Variants in XPC observed in about 807,000 individuals in gnomAD.
The protein encoded by XPC is XPC complex subunit, DNA damage recognition and repair factor, also known as DNA repair protein complementing XP-C cells.
In XPC, 76 loss-of-function variants were observed where a neutral mutation model predicts 95.8. The observed-to-expected ratio is 0.79, with a 90% CI of 0.66 to 0.96. The LOEUF (loss-of-function observed/expected upper bound fraction) is 0.96, where lower values mean the gene tolerates loss of function less well. XPC is among the 40% of genes least tolerant of loss of function. The pLI, the probability that XPC is intolerant of heterozygous loss-of-function variation, is 0.00. For synonymous variants in XPC, 442 were observed against 442.1 expected, an observed-to-expected ratio of 1.00 and a Z score of 0.00; for missense variants, 1,146 against 1,179.8, an observed-to-expected ratio of 0.97 and a Z score of 0.42.
chr3:14,160,480 T>A (rs1696125785), intron 7 of XPC, among the ~76,000 whole-genome samples: 1 of 152,220 alleles, frequency 6.6e-6, no homozygotes, highest in South Asian at 2.1e-4. Flanking sequence ...GGTCCCAGCA[T>A]CTCTCCTTGA....
intron 10 of XPC, 103 bp downstream of exon 10, chr3:14,156,232 G>C (rs1377660925): frequency 7.1e-7 from 1 of 1,418,052 alleles, no homozygotes; most frequent in East Asian, 2.3e-5. Flanking sequence ...CGAGAATGCT[G>C]TCCAGTCAGA....
intron 11 of XPC, among the ~76,000 whole-genome samples, chr3:14,150,321 G>C (rs1345915216): frequency 5.9e-5 from 9 of 152,180 alleles, no homozygotes; most frequent in Non-Finnish European, 1.5e-5. Context: ...TTCTGTAAAG[G>C]GTCATGCGTG....
intron 3 of XPC, 48 bp downstream of exon 3, chr3:14,170,390 A>C: frequency 1.9e-6 from 3 of 1,583,342 alleles, no homozygotes; most frequent in African/African-American, 1.3e-5. Flanking sequence ...ATCAAACAAA[A>C]AAACAAACAG....
intron 2 of XPC, among the ~76,000 whole-genome samples, chr3:14,171,798 G>A (rs1271895122): frequency 6.6e-6 from 1 of 152,144 alleles, no homozygotes; most frequent in Non-Finnish European, 1.5e-5. Flanking sequence ...ACTCCAGCCT[G>A]GGCAACAGAG....
chr3:14,146,538 C>T (rs3731174), intron 15 of XPC, among the ~76,000 whole-genome samples: 6,933 of 152,216 alleles, frequency 0.046, 366 homozygotes, highest in East Asian at 0.22. Flanking sequence ...ACAGTTCAGC[C>T]CTCGGAGCCC....
At chr3:14,152,482 G>A in intron 10 of XPC, 66 bp from the exon 11 acceptor site, 2 of 1,484,586 alleles carry the variant, frequency 1.3e-6, no homozygotes, top group South Asian at 2.5e-5. Flanking sequence ...ATGCGGGACA[G>A]TGGAGAGCGC....
intron 1 of XPC, among the ~76,000 whole-genome samples, chr3:14,174,466 G>A (rs1696733533): frequency 6.6e-6 from 1 of 152,170 alleles, no homozygotes; most frequent in Admixed American, 6.5e-5. Flanking sequence ...ATACTTCAGA[G>A]GCATCACAAA....
chr3:14,177,843 C>A (rs751923188), intron 1 of XPC, among the ~76,000 whole-genome samples: 9 of 125,236 alleles, frequency 7.2e-5, no homozygotes, highest in Admixed American at 1.7e-4. Flanking sequence ...GAGAAGTGGA[C>A]AAATTTGAAA....
intron 11 of XPC, 180 bp downstream of exon 11, chr3:14,152,155 A>G (rs1214219525): frequency 5.4e-6 from 3 of 555,426 alleles, no homozygotes; most frequent in East Asian, 6.4e-5. Flanking sequence ...TCTTATTAAT[A>G]AGACAATTTA....
intron 1 of XPC, 114 bp downstream of exon 1, chr3:14,178,352 G>C (rs907234084): frequency 8.0e-7 from 1 of 1,251,688 alleles, no homozygotes; most frequent in African/African-American, 1.6e-5. Flanking sequence ...CCACGGCGCG[G>C]AACGCGCGCA....
At position 14,158,179 on chromosome 3, in the gene XPC, A is replaced by C; in HGVS notation, c.1704T>G (p.Tyr568Ter). ...CYKYATKPMT[Y>*]VVGIDSDGWV... ...AGCCGTCACTGTCAATGCCCACCACATAGGTCATGGGCTTGGTGGCGTACT... is the reference window on the plus strand; with the variant it reads ...AGCCGTCACTGTCAATGCCCACCACCTAGGTCATGGGCTTGGTGGCGTACT... The change falls in exon 9 of 16, where the codon TAT becomes TAG. Residue 568 changes from tyrosine (Y) to a stop codon, truncating the protein, a stop_gained. Coordinates refer to ENST00000285021, the MANE Select transcript of XPC (RefSeq NM_004628.5). LOFTEE classifies it high-confidence loss of function. This position sits in a 1 kb window ranked among gnomAD's most constrained non-coding sequence, Gnocchi z 5.2. The C allele has an allele frequency of 6.2e-7, 1 of 1,613,770 alleles. No homozygotes were observed. The highest frequency in any genetic ancestry group is 8.5e-7 in the Non-Finnish European group (1 of 1,179,844).
At chr3:14,163,373 T>G (rs1160616214) in intron 7 of XPC, among the ~76,000 whole-genome samples, 1 of 152,094 alleles carries the variant, frequency 6.6e-6, no homozygotes, top group Admixed American at 6.5e-5. Flanking sequence ...AATGGATAAA[T>G]GGATAGAGAA....
intron 13 of XPC, 187 bp downstream of exon 13, chr3:14,148,375 C>T: frequency 1.3e-6 from 1 of 786,310 alleles, no homozygotes; most frequent in South Asian, 2.0e-5. Flanking sequence ...GTTTCATTGG[C>T]TCCGTTCCCT....
At position 14,148,911 on chromosome 3, in the gene XPC, C is replaced by T. The variant is rs373308689; in HGVS notation, c.2153G>A (p.Arg718Gln). 3.4e-5 allele frequency: 55 copies of T among 1,613,868 alleles called. No individual in the cohort carries two copies. Among genetic ancestry groups the T allele is most frequent in the Admixed American group, 8.3e-5 (5 of 59,992 alleles). Residue 718 changes from arginine to glutamine, a missense_variant, in exon 12 of 16, where the codon CGA becomes CAA. Arg to Gln is a conservative substitution (Grantham distance 43). Coordinates refer to ENST00000285021, the MANE Select transcript of XPC (RefSeq NM_004628.5). ...KGFSNRARKA[R>Q]LAEPQLREEN... ...TTCCCGCAGCTGGGGCTCAGCAAGT[C>T]GGGCTTTCCGAGCACGGTTAGAAAA...
rs201880957 is a variant in XPC, at chr3:14,167,142, T to C, written c.621+27A>G. The C allele has an allele frequency of 1.6e-5, 24 of 1,544,358 alleles. No homozygotes were observed. The East Asian group carries it at 5.7e-4, about 37-fold the overall frequency. ...AGCTCTTTGCACCGACAAGGAAAAG[T>C]CCTTCCCCATCATTCCTTGCCCTTA... On this transcript the variant is annotated intron_variant, in intron 5 of 15. Coordinates refer to ENST00000285021, the MANE Select transcript of XPC (RefSeq NM_004628.5).
chr3:14,168,202 GC>G lies in XPC; in HGVS notation c.536+54del, dbSNP rs2125040487. On this transcript the variant is annotated intron_variant, in intron 4 of 15. Transcript: ENST00000285021. ...AGTTTCTCCAAAGTCCTCCTAAGCA[GC>G]AGCTGTTGCCTACTGCATGTGACAG... 10 of 1,550,624 alleles carry G rather than the reference GC, an allele frequency of 6.4e-6. No homozygotes were observed. The South Asian group carries it at 1.2e-4, about 19-fold the overall frequency.
intron 7 of XPC, among the ~76,000 whole-genome samples, chr3:14,161,671 G>A (rs910604066): frequency 6.8e-6 from 1 of 147,266 alleles, no homozygotes; most frequent in African/African-American, 2.5e-5. Flanking sequence ...GAATAGAAGG[G>A]AACTGAGTCA....
At chr3:14,165,827 G>T in intron 5 of XPC, 1 of 472,296 alleles carries the variant, frequency 2.1e-6, no homozygotes, top group Non-Finnish European at 3.8e-6. Context: ...AATACAAATT[G>T]CTTTGTTTTC....
Position 14,146,085 on chromosome 3 carries a change from T to A in XPC, c.2679A>T (p.Gln893His). The change falls in exon 16 of 16, where the codon CAA (glutamine) becomes CAT (histidine). Residue 893 changes from glutamine to histidine, a missense_variant. Gln to His is a conservative substitution (Grantham distance 24). Coordinates refer to ENST00000285021, the MANE Select transcript of XPC (RefSeq NM_004628.5). ...SSDEEEGTSS[Q>H]AEAARILAAS... is the part of the protein sequence containing the mutation. ...CAGCCAGTATCCTGGCCGCTTCTGC[T>A]TGAGAGCTGGTCCCCTCCTCTTCAT... 6.2e-7 allele frequency: 1 copy of A among 1,612,382 alleles called. No individual in the cohort carries two copies. Among genetic ancestry groups the A allele is most frequent in the Non-Finnish European group, 8.5e-7 (1 of 1,179,442 alleles).
Sources: allele counts gnomAD v4.1 joint callset (sites outside exome capture counted in the v4.1 genomes callset), GRCh38; gene constraint gnomAD v4.1.1; non-coding constraint Gnocchi (gnomAD v3.1); transcripts MANE v1.5; gene names NCBI Gene and HGNC (gene_info 2026-07-23, HGNC 2026-07-21).